Variants in KCND2 observed in about 807,000 individuals in gnomAD.
The protein encoded by KCND2 is potassium voltage-gated channel subfamily D member 2.
Under a neutral mutation model 54.4 loss-of-function variants are expected in KCND2, and 16 were observed. The ratio of observed to expected loss-of-function variants is 0.29; its 90% CI spans 0.20 to 0.45. The LOEUF is 0.45. Among genes scored for constraint, KCND2 ranks in the 20% least tolerant of loss-of-function variants. The pLI is 1.00. For synonymous variants in KCND2, 317 were observed against 310.7 expected (o/e 1.02, Z -0.21); for missense variants, 486 against 824.2 (o/e 0.59, Z 5.02).
chr7:120,377,506 AT>A (rs1242245397), intron 1 of KCND2, among the ~76,000 whole-genome samples: 1 of 151,716 alleles, frequency 6.6e-6, no homozygotes, highest in East Asian at 2.0e-4. Context: ...ATAGGACAGA[AT>A]TTTTAAGTTT....
chr7:120,477,642 A>C (rs944662898), intron 1 of KCND2, among the ~76,000 whole-genome samples: 1 of 142,968 alleles, frequency 7.0e-6, no homozygotes, highest in Non-Finnish European at 1.6e-5. Flanking sequence ...TAATTGGATG[A>C]AAAAAAAGAA....
At chr7:120,542,946 ACT>A (rs1791996933) in intron 1 of KCND2, among the ~76,000 whole-genome samples, 1 of 151,934 alleles carries the variant, frequency 6.6e-6, no homozygotes, top group Non-Finnish European at 1.5e-5. Flanking sequence ...GACCCAACTT[ACT>A]CTTACGGAAA....
At chr7:120,713,649 C>G (rs1792567942) in intron 1 of KCND2, among the ~76,000 whole-genome samples, 1 of 152,132 alleles carries the variant, frequency 6.6e-6, no homozygotes, top group South Asian at 2.1e-4. Flanking sequence ...GTGACAAGTG[C>G]CTCCACGTAA....
At chr7:120,301,151 A>G (rs1799581075) in intron 1 of KCND2, among the ~76,000 whole-genome samples, 1 of 152,140 alleles carries the variant, frequency 6.6e-6, no homozygotes, top group South Asian at 2.1e-4. Flanking sequence ...AATATTACCT[A>G]TGGGCCAAAT....
At chr7:120,698,752 A>G (rs2116020489) in intron 1 of KCND2, among the ~76,000 whole-genome samples, 1 of 152,336 alleles carries the variant, frequency 6.6e-6, no homozygotes, top group East Asian at 1.9e-4. Flanking sequence ...CAGTTACCCC[A>G]CAAAAGGAAT....
intron 1 of KCND2, among the ~76,000 whole-genome samples, chr7:120,730,099 G>A (rs373342119): frequency 6.6e-6 from 1 of 152,106 alleles, no homozygotes; most frequent in Non-Finnish European, 1.5e-5. Context: ...GATTCACTTA[G>A]CTAGTTTATA....
At chr7:120,519,229 C>T (rs1803245121) in intron 1 of KCND2, among the ~76,000 whole-genome samples, 1 of 151,972 alleles carries the variant, frequency 6.6e-6, no homozygotes, top group Non-Finnish European at 1.5e-5. Context: ...GTAATCATAG[C>T]TACTTGGAGG....
chr7:120,589,052 G>A (rs545558785), intron 1 of KCND2, among the ~76,000 whole-genome samples: 1 of 152,228 alleles, frequency 6.6e-6, no homozygotes, highest in African/African-American at 2.4e-5. Context: ...TGAGGACACA[G>A]GTCAAAGTGG....
chr7:120,533,264 C>A (rs576592660), intron 1 of KCND2, among the ~76,000 whole-genome samples: 81 of 152,024 alleles, frequency 5.3e-4, no homozygotes, highest in Non-Finnish European at 1.0e-3. Context: ...ACATTATGAT[C>A]TTTAGACATG....
chr7:120,381,970 T>G (rs1455408225), intron 1 of KCND2, among the ~76,000 whole-genome samples: 2 of 152,028 alleles, frequency 1.3e-5, no homozygotes, highest in African/African-American at 4.8e-5. Context: ...TTTAGAGAGA[T>G]AAGAGCATAG....
intron 1 of KCND2, among the ~76,000 whole-genome samples, chr7:120,399,485 C>T (rs1263882687): frequency 6.6e-6 from 1 of 151,858 alleles, no homozygotes; most frequent in Admixed American, 6.6e-5. Flanking sequence ...TTTATGTAAT[C>T]TGATATAAAA....
In KCND2 at chr7:120,744,584, T is replaced by G. The variant is rs539416793; in HGVS notation, c.1468-1196T>G. Among the ~76,000 whole-genome samples the G allele has an allele frequency of 3.7e-3, 566 of 152,350 alleles. 2 individuals are homozygous for G. Among genetic ancestry groups the G allele is most frequent in the African/African-American group, 0.013 (547 of 41,586 alleles). ...GAAATATTAATTTCAAATATTTCTT[T>G]GAAATTCTGTCTTGTCTGATTATAT... On this transcript the variant is annotated intron_variant, in intron 4 of 5. Coordinates refer to ENST00000331113, the MANE Select transcript of KCND2 (RefSeq NM_012281.3).
intron 1 of KCND2, among the ~76,000 whole-genome samples, chr7:120,698,898 T>A (rs1792365099): frequency 6.6e-6 from 1 of 152,188 alleles, no homozygotes; most frequent in Non-Finnish European, 1.5e-5. Flanking sequence ...CTGTTATATT[T>A]AAAAAGTCTT....
chr7:120,521,645 C>T (rs1791694664), intron 1 of KCND2, among the ~76,000 whole-genome samples: 1 of 152,052 alleles, frequency 6.6e-6, no homozygotes, highest in Admixed American at 6.6e-5. Flanking sequence ...CCTCATAGTG[C>T]TGTTGTGAGA....
chr7:120,352,459 TACACACACAC>T (rs199700951), intron 1 of KCND2, among the ~76,000 whole-genome samples: 3,914 of 148,190 alleles, frequency 0.026, 83 homozygotes, highest in Non-Finnish European at 0.042. Flanking sequence ...CACACATACA[TACACACACAC>T]ACACACACAC....
intron 1 of KCND2, among the ~76,000 whole-genome samples, chr7:120,278,703 A>G (rs1233780478): frequency 1.3e-5 from 2 of 151,788 alleles, no homozygotes; most frequent in East Asian, 3.8e-4. Flanking sequence ...TTGAAATATC[A>G]AATATATCAG....
At chr7:120,468,778 C>T (rs752887119) in intron 1 of KCND2, among the ~76,000 whole-genome samples, 12 of 151,936 alleles carry the variant, frequency 7.9e-5, no homozygotes, top group Non-Finnish European at 1.2e-4. Context: ...TTAATGTGAT[C>T]TGAGAAATGT....
At chr7:120,368,171 A>G (rs1190460194) in intron 1 of KCND2, among the ~76,000 whole-genome samples, 1 of 152,090 alleles carries the variant, frequency 6.6e-6, no homozygotes, top group Non-Finnish European at 1.5e-5. Flanking sequence ...TCTGTGATGT[A>G]AAGATTGAGG....
chr7:120,285,172 A>G (rs150762938), intron 1 of KCND2, among the ~76,000 whole-genome samples: 183 of 152,140 alleles, frequency 1.2e-3, no homozygotes, highest in African/African-American at 4.0e-3. Context: ...ACCTGAAAAT[A>G]TTTACTCTGG....
Sources: gnomAD v4.1 joint callset for allele counts (sites outside exome capture counted in the v4.1 genomes callset) on GRCh38, gnomAD v4.1.1 for gene constraint, MANE v1.5 for transcripts, NCBI Gene and HGNC (gene_info 2026-07-23, HGNC 2026-07-21) for gene names.